CENPP: variants seen among roughly 807,000 people sequenced by gnomAD.
CENPP encodes centromere protein P.
CENPP carries 24 observed loss-of-function variants against 35.6 expected under a neutral mutation model. That is an observed-to-expected ratio of 0.67 (90% CI 0.49 to 0.95). The LOEUF (loss-of-function observed/expected upper bound fraction) is 0.95, where lower values mean the gene tolerates loss of function less well. CENPP is among the 40% of genes least tolerant of loss of function. The pLI, the probability that CENPP is intolerant of heterozygous loss-of-function variation, is 0.00. For synonymous variants in CENPP, 120 were observed against 125.5 expected (o/e 0.96, Z 0.29); for missense variants, 332 against 345.3 (o/e 0.96, Z 0.31).
At chr9:92,471,880 G>A (rs918987755) in intron 5 of CENPP, among the ~76,000 whole-genome samples, 4 of 151,952 alleles carry the variant, frequency 2.6e-5, no homozygotes, top group African/African-American at 4.8e-5. Flanking sequence ...GGCTAGTCTC[G>A]AACTCCTGGA....
intron 4 of CENPP, among the ~76,000 whole-genome samples, chr9:92,371,649 T>C (rs955209074): frequency 1.3e-5 from 2 of 152,198 alleles, no homozygotes; most frequent in Admixed American, 6.5e-5. Context: ...CCAATTTAAA[T>C]CCAATGTTTT....
In CENPP at chr9:92,381,484, G is replaced by A. The variant is rs141332469; in HGVS notation, c.564+1625G>A. On this transcript the variant is annotated intron_variant, in intron 5 of 7. Transcript: ENST00000375587. ...TTTTTCGTAGAGATGCAGTTTCGCC[G>A]TGTTGCCCATGCTGGTCTTGAACTA... Among the ~76,000 whole-genome samples the A allele has an allele frequency of 2.4e-3, 362 of 152,142 alleles. 2 individuals are homozygous for A. The highest frequency in any genetic ancestry group is 7.5e-3 in the African/African-American group (313 of 41,540).
chr9:92,590,238 G>GT (rs1298175940), intron 5 of CENPP, among the ~76,000 whole-genome samples: 4 of 152,056 alleles, frequency 2.6e-5, no homozygotes, highest in Non-Finnish European at 2.9e-5. Flanking sequence ...TTGTTCTAAG[G>GT]TTTTTTTCAA....
intron 5 of CENPP, among the ~76,000 whole-genome samples, chr9:92,437,066 G>T (rs1844263026): frequency 1.3e-5 from 2 of 152,138 alleles, no homozygotes; most frequent in African/African-American, 4.8e-5. Flanking sequence ...GCCGGGCATG[G>T]TGGCAGGTGC....
At chr9:92,496,601 AC>A in intron 5 of CENPP, 1 of 1,276,288 alleles carries the variant, frequency 7.8e-7, no homozygotes, top group South Asian at 1.6e-5. Flanking sequence ...ATCCTTATAG[AC>A]CAGAATAAAT....
At chr9:92,515,191 AGAGAATAG>A (rs779890428) in intron 5 of CENPP, 1 of 1,570,192 alleles carries the variant, frequency 6.4e-7, no homozygotes, top group South Asian at 1.2e-5. Context: ...ACCACTGAGT[AGAGAATAG>A]GAGACTAATG....
chr9:92,394,531 G>A (rs543041685), intron 5 of CENPP, among the ~76,000 whole-genome samples: 20 of 151,500 alleles, frequency 1.3e-4, no homozygotes, highest in African/African-American at 4.4e-4. Context: ...GATTACAGAC[G>A]TGAGCCATCA....
chr9:92,432,191 G>T (rs1310579598), intron 5 of CENPP, among the ~76,000 whole-genome samples: 1 of 152,116 alleles, frequency 6.6e-6, no homozygotes. Context: ...TGGGCGTGGT[G>T]ATGGGTGCAT....
At chr9:92,390,444 C>T (rs1409359717) in intron 5 of CENPP, among the ~76,000 whole-genome samples, 3 of 151,890 alleles carry the variant, frequency 2.0e-5, no homozygotes, top group Non-Finnish European at 2.9e-5. Flanking sequence ...TGGCATGTTG[C>T]GTTGTGATTC....
chr9:92,346,217 G>A (rs760898160), intron 4 of CENPP, among the ~76,000 whole-genome samples: 6 of 151,972 alleles, frequency 3.9e-5, no homozygotes, highest in Admixed American at 2.0e-4. Flanking sequence ...ATTAGAGATG[G>A]GGTCTCACTA....
At chr9:92,435,598 C>T (rs1205659645) in intron 5 of CENPP, among the ~76,000 whole-genome samples, 1 of 152,130 alleles carries the variant, frequency 6.6e-6, no homozygotes, top group Non-Finnish European at 1.5e-5. Context: ...TAAACCCTAG[C>T]AAAAACTAAT....
intron 5 of CENPP, among the ~76,000 whole-genome samples, chr9:92,521,129 A>G (rs1401827130): frequency 2.0e-5 from 3 of 152,226 alleles, no homozygotes; most frequent in Admixed American, 2.0e-4. Flanking sequence ...GATACAATCA[A>G]AAAGTACTGT....
intron 5 of CENPP, among the ~76,000 whole-genome samples, chr9:92,521,615 T>A (rs1344135491): frequency 1.3e-5 from 2 of 152,234 alleles, no homozygotes; most frequent in Non-Finnish European, 2.9e-5. Context: ...ATGTCTATAA[T>A]ATACTTTTTC....
At chr9:92,342,302 A>T (rs1306255071) in intron 3 of CENPP, among the ~76,000 whole-genome samples, 1 of 152,254 alleles carries the variant, frequency 6.6e-6, no homozygotes, top group Non-Finnish European at 1.5e-5. Context: ...GCAAGAAAAA[A>T]GTATAAATAG....
chr9:92,531,340 T>C (rs1289743896), intron 5 of CENPP, among the ~76,000 whole-genome samples: 1 of 152,194 alleles, frequency 6.6e-6, no homozygotes, highest in Non-Finnish European at 1.5e-5. Flanking sequence ...TTAGTACCTT[T>C]ACCTCTTCCT....
chr9:92,572,227 C>A (rs544845867), intron 5 of CENPP, among the ~76,000 whole-genome samples: 3 of 152,076 alleles, frequency 2.0e-5, no homozygotes, highest in Non-Finnish European at 4.4e-5. Flanking sequence ...TAACTGGTAC[C>A]GGTTGTTCCT....
intron 5 of CENPP, among the ~76,000 whole-genome samples, chr9:92,543,283 C>T (rs1849355036): frequency 6.6e-6 from 1 of 151,890 alleles, no homozygotes; most frequent in Admixed American, 6.6e-5. Context: ...ACCAGCCTGG[C>T]CAACATGGTG....
At chr9:92,532,781 A>C (rs1848878652) in intron 5 of CENPP, among the ~76,000 whole-genome samples, 1 of 151,856 alleles carries the variant, frequency 6.6e-6, no homozygotes, top group Non-Finnish European at 1.5e-5. Flanking sequence ...GTGTCTGAAG[A>C]CTAGGTTTTC....
intron 5 of CENPP, chr9:92,501,066 A>C: frequency 1.2e-6 from 2 of 1,609,006 alleles, no homozygotes; most frequent in Non-Finnish European, 1.7e-6. Context: ...GCAGCAAAGA[A>C]AAAAGTAAAC....
Sources: allele counts gnomAD v4.1 joint callset (sites outside exome capture counted in the v4.1 genomes callset), GRCh38; gene constraint gnomAD v4.1.1; transcripts MANE v1.5; gene names NCBI Gene and HGNC (gene_info 2026-07-23, HGNC 2026-07-21).